Variants in MRPL1 observed in about 807,000 individuals in gnomAD.
MRPL1 encodes mitochondrial ribosomal protein L1, also known as large ribosomal subunit protein uL1m.
A neutral mutation model predicts 38.0 loss-of-function variants in MRPL1; 28 were observed. That is an observed-to-expected ratio of 0.74 (90% confidence interval 0.55 to 1.01). MRPL1 has a LOEUF of 1.01. Among genes scored for constraint, MRPL1 ranks in the 50% least tolerant of loss-of-function variants. MRPL1 has a pLI of 0.00. For synonymous variants in MRPL1, 123 were observed against 126.7 expected, an observed-to-expected ratio of 0.97 and a Z score of 0.20; for missense variants, 358 against 389.8, an observed-to-expected ratio of 0.92 and a Z score of 0.69.
At chr4:77,895,523 ATAT>A (rs1735893802) in intron 6 of MRPL1, among the ~76,000 whole-genome samples, 1 of 152,134 alleles carries the variant, frequency 6.6e-6, no homozygotes, top group South Asian at 2.1e-4. Context: ...GATGTCTGGT[ATAT>A]TATTATTTCA....
At chr4:77,918,010 C>A (rs1457454416) in intron 7 of MRPL1, among the ~76,000 whole-genome samples, 1 of 149,490 alleles carries the variant, frequency 6.7e-6, no homozygotes, top group Non-Finnish European at 1.5e-5. Context: ...AGCCGAGATG[C>A]GCCACTGCAC....
chr4:77,905,717 T>C (rs1560466858), intron 6 of MRPL1, among the ~76,000 whole-genome samples: 1 of 152,184 alleles, frequency 6.6e-6, no homozygotes. Flanking sequence ...TCCTTTTTTC[T>C]AACTATACAG....
chr4:77,892,211 A>G (rs912163049), intron 5 of MRPL1, among the ~76,000 whole-genome samples: 5 of 151,294 alleles, frequency 3.3e-5, no homozygotes, highest in Non-Finnish European at 5.9e-5. Context: ...GGCTCACTGC[A>G]ACCTCCACCT....
rs1735033734 is a variant in MRPL1, at chr4:77,862,894, T to G, written c.31+15T>G. 1 of 1,614,054 alleles carries G rather than the reference T, an allele frequency of 6.2e-7. No homozygotes were observed. The highest frequency in any genetic ancestry group is 1.3e-5 in the African/African-American group (1 of 75,024). ...CATGGGTAGAGGTAAGGCGAGGGGT[T>G]GTCTTGCAGGGGAAATGGCTCTGGC... On this transcript the variant is annotated intron_variant, in intron 1 of 8. Coordinates refer to ENST00000315567, the MANE Select transcript of MRPL1 (RefSeq NM_020236.4).
Position 77,921,422 on chromosome 4 carries a change from T to A in MRPL1, c.777+12050T>A, listed in dbSNP as rs570823451. On this transcript the variant is annotated intron_variant, in intron 7 of 8. Transcript: ENST00000315567. ...AAGGCCTGCCTCTCTAAATTGGAGGTAACATTTGAATAGAGACTGAATGAA... is the reference window on the plus strand; with the variant it reads ...AAGGCCTGCCTCTCTAAATTGGAGGAAACATTTGAATAGAGACTGAATGAA... Among the ~76,000 whole-genome samples, 27 of 152,198 alleles carry A rather than the reference T, an allele frequency of 1.8e-4. No individual in the cohort carries two copies. In the East Asian group the frequency reaches 2.9e-3, roughly 16 times the overall value.
rs185795735 is a variant in MRPL1 at position 77,942,343 on chromosome 4, G to T, written c.778-7454G>T. Among the ~76,000 whole-genome samples the T allele has an allele frequency of 9.2e-5, 14 of 152,282 alleles. No homozygotes were observed. The East Asian group carries it at 2.7e-3, about 29-fold the overall frequency. On this transcript the variant is annotated intron_variant, in intron 7 of 8. Transcript: ENST00000315567. The stretch of plus-strand genomic sequence containing the variant: ...TGAATGGAATGTATATTCTGCAGTT[G>T]TTGGGTAGAATGTTGTGTAAATATC...
At chr4:77,942,188 G>A (rs965156107) in intron 7 of MRPL1, among the ~76,000 whole-genome samples, 5 of 152,040 alleles carry the variant, frequency 3.3e-5, no homozygotes, top group African/African-American at 1.2e-4. Flanking sequence ...GTTCCTTTTG[G>A]AGTTGATTTC....
intron 6 of MRPL1, among the ~76,000 whole-genome samples, chr4:77,906,192 T>C (rs968925387): frequency 5.9e-5 from 9 of 152,086 alleles, no homozygotes; most frequent in Admixed American, 3.9e-4. Flanking sequence ...CCAGTGAGAA[T>C]CATGTTTCAG....
intron 7 of MRPL1, among the ~76,000 whole-genome samples, chr4:77,915,927 T>C (rs1305024375): frequency 6.6e-6 from 1 of 152,164 alleles, no homozygotes; most frequent in African/African-American, 2.4e-5. Context: ...TTTTCTCTCA[T>C]AGCATGAAGC....
chr4:77,891,937 C>T (rs1047965980), intron 5 of MRPL1, among the ~76,000 whole-genome samples: 1 of 152,124 alleles, frequency 6.6e-6, no homozygotes, highest in African/African-American at 2.4e-5. Flanking sequence ...TTGCAAGTTA[C>T]CCCGTGGTGT....
At chr4:77,867,244 T>C (rs1735167263) in intron 1 of MRPL1, among the ~76,000 whole-genome samples, 1 of 152,234 alleles carries the variant, frequency 6.6e-6, no homozygotes, top group Admixed American at 6.5e-5. Flanking sequence ...ACCTAAATGC[T>C]TCCAGCAGTG....
At chr4:77,869,357 T>G (rs1033018822) in intron 1 of MRPL1, among the ~76,000 whole-genome samples, 25 of 152,118 alleles carry the variant, frequency 1.6e-4, no homozygotes, top group African/African-American at 5.6e-4. Flanking sequence ...GGTTATATGC[T>G]AAGAATAAGG....
At chr4:77,927,048 T>G (rs1736729810) in intron 7 of MRPL1, among the ~76,000 whole-genome samples, 1 of 152,206 alleles carries the variant, frequency 6.6e-6, no homozygotes, top group East Asian at 1.9e-4. Context: ...TCATTACTTT[T>G]TTATCCCACT....
intron 6 of MRPL1, among the ~76,000 whole-genome samples, chr4:77,903,012 G>T (rs571481609): frequency 6.6e-6 from 1 of 152,216 alleles, no homozygotes; most frequent in Non-Finnish European, 1.5e-5. Context: ...TATGAGCTCT[G>T]CATTACCCTG....
chr4:77,910,561 A>G (rs1736264601), intron 7 of MRPL1, among the ~76,000 whole-genome samples: 1 of 152,148 alleles, frequency 6.6e-6, no homozygotes, highest in South Asian at 2.1e-4. Context: ...GGGATCACCA[A>G]GGTTGCAGAG....
rs774501371 is a variant in MRPL1 at position 77,909,250 on chromosome 4, T to C, written c.671-16T>C. On this transcript the variant is annotated splice_polypyrimidine_tract_variant and intron_variant, in intron 6 of 8. Transcript: ENST00000315567. ...TATTTGGAGTGATAATTGTGGATTT[T>C]ACTTTTTCTAACTAGATTCCATTGG... 1.3e-6 allele frequency: 2 copies of C among 1,491,220 alleles called. No individual in the cohort carries two copies. The highest frequency in any genetic ancestry group is 2.3e-5 in the East Asian group (1 of 44,124). The allele number at this position is 1,491,220 out of a possible 1,614,324, so 92.4% of individuals were successfully genotyped here. A position where few individuals can be genotyped will look rare whatever the true frequency, so the allele number is the denominator to read the frequency against.
chr4:77,920,099 G>T (rs1306010072), intron 7 of MRPL1, among the ~76,000 whole-genome samples: 2 of 152,086 alleles, frequency 1.3e-5, no homozygotes, highest in African/African-American at 4.8e-5. Flanking sequence ...AAGTGACTTA[G>T]TTTTTTATCT....
intron 7 of MRPL1, among the ~76,000 whole-genome samples, chr4:77,919,292 G>A (rs994052666): frequency 6.6e-6 from 1 of 151,946 alleles, no homozygotes; most frequent in African/African-American, 2.4e-5. Flanking sequence ...TTGGCCTTCA[G>A]CCTGCTTCTC....
chr4:77,883,431 T>A lies in MRPL1; in HGVS notation c.333T>A (p.Ile111=). 6.2e-7 allele frequency: 1 copy of A among 1,613,936 alleles called. No homozygotes were observed. Among genetic ancestry groups the A allele is most frequent in the South Asian group, 1.1e-5 (1 of 91,066 alleles). The change falls in exon 3 of 9, where the codon ATT becomes ATA. Residue 111 remains isoleucine (I), a synonymous_variant. Transcript: ENST00000315567. ...KAVHLLKKFQ[I]LDFTSPKQSV... ...TTCACTTACTTAAGAAATTTCAAAT[T>A]CTTGACTTTACTAGTCCAAAGCAAA...
Sources: allele counts gnomAD v4.1 joint callset (sites outside exome capture counted in the v4.1 genomes callset), GRCh38; gene constraint gnomAD v4.1.1; transcripts MANE v1.5; gene names NCBI Gene and HGNC (gene_info 2026-07-23, HGNC 2026-07-21).